Variants in ATP6V1B2 observed in about 807,000 individuals in gnomAD.
ATP6V1B2 encodes the protein V-type proton ATPase subunit B, brain isoform.
ATP6V1B2 carries 23 observed loss-of-function variants against 66.7 expected under a neutral mutation model. That is an observed-to-expected ratio of 0.34 (90% CI 0.25 to 0.49). ATP6V1B2 has a LOEUF of 0.49. Among genes scored for constraint, ATP6V1B2 ranks in the 20% least tolerant of loss-of-function variants. The pLI is 0.99. For synonymous variants in ATP6V1B2, 278 were observed against 236.7 expected (o/e 1.17, Z -1.60); for missense variants, 478 against 650.8 (o/e 0.73, Z 2.89).
chr8:20,212,524 TG>T (rs2072805586), intron 8 of ATP6V1B2, among the ~76,000 whole-genome samples: 1 of 152,216 alleles, frequency 6.6e-6, no homozygotes, highest in African/African-American at 2.4e-5. Flanking sequence ...GGCTTTCATT[TG>T]TTTCCTCTCT....
chr8:20,204,396 C>T (rs913030307), intron 1 of ATP6V1B2, 88 bp from the exon 2 acceptor site: 16 of 1,163,890 alleles, frequency 1.4e-5, no homozygotes, highest in East Asian at 9.5e-5. Context: ...GACATGATAA[C>T]GTAGAAAGGA....
At chr8:20,215,740 T>C (rs2072848150) in intron 10 of ATP6V1B2, 1 of 152,210 alleles carries the variant, frequency 6.6e-6, no homozygotes, top group Admixed American at 6.5e-5. Context: ...GCCTCTGACG[T>C]GAAAATGATT....
intron 1 of ATP6V1B2, among the ~76,000 whole-genome samples, chr8:20,201,112 A>G (rs1285354675): frequency 1.3e-5 from 2 of 152,228 alleles, no homozygotes; most frequent in African/African-American, 2.4e-5. Context: ...TGTCTGGCTC[A>G]TATGATAGTT....
At chr8:20,204,389 A>G in intron 1 of ATP6V1B2, 95 bp from the exon 2 acceptor site, 2 of 1,074,284 alleles carry the variant, frequency 1.9e-6, no homozygotes, top group East Asian at 2.4e-5. Context: ...TCTAATAGAC[A>G]TGATAACGTA....
Position 20,211,507 on chromosome 8 carries a change from G to C in ATP6V1B2, c.604-145G>C, listed in dbSNP as rs565788974. 37 of 1,270,708 alleles carry C rather than the reference G, an allele frequency of 2.9e-5. 1 individual carries two copies. In the Middle Eastern group the frequency reaches 6.7e-4, roughly 23 times the overall value. 78.7% of individuals were successfully genotyped at this position (1,270,708 alleles called of 1,614,324 possible). A position where few individuals can be genotyped will look rare whatever the true frequency, so the allele number is the denominator to read the frequency against. On this transcript the variant is annotated intron_variant, in intron 6 of 13. Coordinates refer to ENST00000276390, the MANE Select transcript of ATP6V1B2 (RefSeq NM_001693.4). ...TTACCCTTGCATATCTTTGCAAAAA[G>C]TACAAAATAGTTTTGTTGAATGAAT...
chr8:20,217,843 G>A (rs2072870785), intron 12 of ATP6V1B2, among the ~76,000 whole-genome samples: 1 of 152,096 alleles, frequency 6.6e-6, no homozygotes, highest in African/African-American at 2.4e-5. Context: ...CTTCAAGATG[G>A]ATTTCTCCAT....
At chr8:20,203,103 A>C (rs1364975809) in intron 1 of ATP6V1B2, among the ~76,000 whole-genome samples, 3 of 152,214 alleles carry the variant, frequency 2.0e-5, no homozygotes, top group African/African-American at 4.8e-5. Context: ...AATGTGGCAA[A>C]TGGGGTCTTT....
chr8:20,207,191 A>G (rs2072747321), intron 2 of ATP6V1B2, among the ~76,000 whole-genome samples: 2 of 152,332 alleles, frequency 1.3e-5, no homozygotes, highest in Admixed American at 1.3e-4. Context: ...AATTAACACA[A>G]TCAGGGAAGA....
intron 6 of ATP6V1B2, 94 bp from the exon 7 acceptor site, chr8:20,211,558 A>C (rs537725103): frequency 7.2e-7 from 1 of 1,389,818 alleles, no homozygotes; most frequent in Non-Finnish European, 9.8e-7. Flanking sequence ...GGTTTCGTTT[A>C]TGATTACGAT....
At chr8:20,220,121 C>A in intron 13 of ATP6V1B2, 142 bp from the exon 14 acceptor site, 1 of 804,940 alleles carries the variant, frequency 1.2e-6, no homozygotes. Flanking sequence ...TTCCTCAGTC[C>A]TTCTCATTTA....
chr8:20,206,449 T>C (rs2072739109), intron 2 of ATP6V1B2, among the ~76,000 whole-genome samples: 1 of 152,216 alleles, frequency 6.6e-6, no homozygotes, highest in Non-Finnish European at 1.5e-5. Flanking sequence ...TGAAGTTTGA[T>C]AATTTGCTAG....
At position 20,220,316 on chromosome 8, in the gene ATP6V1B2, C is replaced by T. The variant is rs143933547; in HGVS notation, c.1450C>T (p.Leu484Phe). ...FETLDIGWQL[L>F]RIFPKEMLKR... is the part of the protein sequence containing the mutation. The stretch of plus-strand genomic sequence containing the variant: ...GACTTTGGACATTGGCTGGCAGCTA[C>T]TCCGAATCTTCCCCAAAGAAATGCT... Residue 484 changes from leucine to phenylalanine, a missense_variant, in exon 14 of 14, where the codon CTC (leucine) becomes TTC (phenylalanine). Leu to Phe is a conservative substitution (Grantham distance 22, BLOSUM62 0). Around this residue, in one of 2 missense-constraint regions of ATP6V1B2, gnomAD observed 326 missense variants for 545.6 expected, o/e 0.60. Transcript: ENST00000276390. 1 of 1,605,838 alleles carries T rather than the reference C, an allele frequency of 6.2e-7. No homozygotes were observed. The highest frequency in any genetic ancestry group is 1.3e-5 in the African/African-American group (1 of 74,216).
At chr8:20,209,407 T>C (rs1364081916) in intron 2 of ATP6V1B2, 26 bp from the exon 3 acceptor site, 9 of 1,604,624 alleles carry the variant, frequency 5.6e-6, no homozygotes, top group Admixed American at 1.7e-5. Context: ...ATGTCGGATA[T>C]TGATCCTTTA....
At chr8:20,211,473 T>C in intron 6 of ATP6V1B2, 157 bp downstream of exon 6, 1 of 1,283,682 alleles carries the variant, frequency 7.8e-7, no homozygotes, top group Non-Finnish European at 1.0e-6. Flanking sequence ...TCTGCACATG[T>C]CTTCTTGCTT....
At chr8:20,200,527 G>T (rs901816174) in intron 1 of ATP6V1B2, among the ~76,000 whole-genome samples, 5 of 152,148 alleles carry the variant, frequency 3.3e-5, no homozygotes, top group African/African-American at 1.2e-4. Context: ...AAGATTATAG[G>T]ACTTTTAAAA....
chr8:20,211,306 C>A lies in ATP6V1B2; in HGVS notation c.593C>A (p.Pro198Gln). 1 of 1,612,796 alleles carries A rather than the reference C, an allele frequency of 6.2e-7. No homozygotes were observed. The highest frequency in any genetic ancestry group is 8.5e-7 in the Non-Finnish European group (1 of 1,179,616). Residue 198 changes from proline (P) to glutamine (Q), a missense_variant, in exon 6 of 14, where the codon CCA (proline) becomes CAA (glutamine). By Grantham distance (76) the Pro-to-Gln change is moderately conservative (BLOSUM62 -1). Around this residue, in one of 2 missense-constraint regions of ATP6V1B2, gnomAD observed 326 missense variants for 545.6 expected, o/e 0.60. Transcript: ENST00000276390. ...KIPIFSAAGL[P>Q]HNEIAAQICR... is the part of the protein sequence containing the mutation. ...CCTATCTTCTCTGCTGCTGGGCTAC[C>A]ACACAATGAGGTGAGGACTGGGATC...
intron 1 of ATP6V1B2, among the ~76,000 whole-genome samples, chr8:20,199,827 T>C (rs970622065): frequency 6.6e-6 from 1 of 152,114 alleles, no homozygotes; most frequent in Non-Finnish European, 1.5e-5. Context: ...CCCAGGCTGG[T>C]GGCGAACTCC....
At chr8:20,213,904 T>A (rs921365149) in intron 9 of ATP6V1B2, 6 of 152,170 alleles carry the variant, frequency 3.9e-5, no homozygotes, top group Non-Finnish European at 5.9e-5. Context: ...TGCAATAAAA[T>A]TGAGTTATTA....
chr8:20,217,095 G>A, intron 11 of ATP6V1B2, 125 bp from the exon 12 acceptor site: 1 of 749,664 alleles, frequency 1.3e-6, no homozygotes, highest in South Asian at 1.7e-5. Flanking sequence ...ATTCATCTAG[G>A]AGACAAATGC....
Sources: allele counts gnomAD v4.1 joint callset (sites outside exome capture counted in the v4.1 genomes callset), GRCh38; gene constraint gnomAD v4.1.1; regional missense constraint gnomAD v4.1.1; transcripts MANE v1.5; gene names NCBI Gene and HGNC (gene_info 2026-07-23, HGNC 2026-07-21).